The following HDAC1 variants were observed in gnomAD, a reference collection of about 807,000 sequenced individuals.
HDAC1 encodes the protein protein deacetylase HDAC1.
Under a neutral mutation model 65.5 loss-of-function variants are expected in HDAC1, and 18 were observed. That is an observed-to-expected ratio of 0.27 (90% CI 0.19 to 0.41). The LOEUF (loss-of-function observed/expected upper bound fraction) is 0.41. Among genes scored for constraint, HDAC1 ranks in the 10% least tolerant of loss-of-function variants. The pLI is 1.00. For missense variants in HDAC1, 373 were observed against 625.2 expected (o/e 0.60, Z 4.30); for synonymous variants, 211 against 227.9 (o/e 0.93, Z 0.67).
chr1:32,301,889 T>G (rs1364467879), intron 1 of HDAC1, among the ~76,000 whole-genome samples: 1 of 152,220 alleles, frequency 6.6e-6, no homozygotes, highest in Non-Finnish European at 1.5e-5. Flanking sequence ...CCAGAGTAAC[T>G]GGGATTACAG....
Position 32,327,523 on chromosome 1 carries a change from C to T in HDAC1, c.495-13C>T, listed in dbSNP as rs758841290. On this transcript the variant is annotated splice_polypyrimidine_tract_variant and intron_variant, in intron 5 of 13. Transcript: ENST00000373548. This position sits in a 1 kb window ranked among gnomAD's most constrained non-coding sequence, Gnocchi z 6.0. ...AAAGAGCCCCCAGACCCCTGACCCC[C>T]TTCTGATCCTAGGTATCACCAGAGG... The T allele has an allele frequency of 2.5e-6, 4 of 1,611,294 alleles. No individual in the cohort carries two copies. The highest frequency in any genetic ancestry group is 1.1e-5 in the South Asian group (1 of 90,998).
Position 32,304,431 on chromosome 1 carries a change from C to G in HDAC1, c.162+1698C>G, listed in dbSNP as rs145956907. Among the ~76,000 whole-genome samples the G allele has an allele frequency of 2.3e-3, 348 of 152,274 alleles. 2 individuals carry two copies. Among genetic ancestry groups the G allele is most frequent in the African/African-American group, 8.1e-3 (336 of 41,552 alleles). On this transcript the variant is annotated intron_variant, in intron 2 of 13. Transcript: ENST00000373548. The stretch of plus-strand genomic sequence containing the variant: ...CAGACTATCTCTGCTCCCGAGAGCT[C>G]TGCTCCCTGCAGGCTGGAGTGCAGT...
intron 2 of HDAC1, among the ~76,000 whole-genome samples, chr1:32,304,629 G>A (rs549644158): frequency 2.6e-5 from 4 of 151,996 alleles, no homozygotes; most frequent in Admixed American, 2.6e-4. Context: ...GAGTGCAGTG[G>A]TGCAATCTTG....
At chr1:32,307,485 C>G (rs1640927207) in intron 2 of HDAC1, among the ~76,000 whole-genome samples, 1 of 152,116 alleles carries the variant, frequency 6.6e-6, no homozygotes, top group Non-Finnish European at 1.5e-5. Context: ...GATAATCGAT[C>G]TGATTACTGA....
At position 32,331,076 on chromosome 1, in the gene HDAC1, T is replaced by A. The variant is rs779232118; in HGVS notation, c.979+168T>A. On this transcript the variant is annotated intron_variant, in intron 9 of 13. Coordinates refer to ENST00000373548, the MANE Select transcript of HDAC1 (RefSeq NM_004964.3). This position sits in a 1 kb window ranked among gnomAD's most constrained non-coding sequence, Gnocchi z 4.2. ...GATCAGCAGACCATAACCATCACTTTTTCCCTAGTCCTTTTTAGCTCTCTC... is the reference window on the plus strand; with the variant it reads ...GATCAGCAGACCATAACCATCACTTATTCCCTAGTCCTTTTTAGCTCTCTC... 6.6e-6 allele frequency among the ~76,000 whole-genome samples: 1 copy of A among 152,214 alleles called. No individual in the cohort carries two copies. The highest frequency in any genetic ancestry group is 1.5e-5 in the Non-Finnish European group (1 of 68,034).
chr1:32,321,241 A>T (rs28419695), intron 3 of HDAC1, among the ~76,000 whole-genome samples: 2,730 of 151,576 alleles, frequency 0.018, 54 homozygotes, highest in African/African-American at 0.05. Context: ...AAAAAAAAAA[A>T]AATAATAATA....
chr1:32,311,521 G>T (rs1311555179), intron 2 of HDAC1, among the ~76,000 whole-genome samples: 1 of 151,936 alleles, frequency 6.6e-6, no homozygotes, highest in Non-Finnish European at 1.5e-5. Flanking sequence ...TAGGTGGTTG[G>T]TGCTGAGAAT....
intron 3 of HDAC1, among the ~76,000 whole-genome samples, chr1:32,321,322 GCC>G (rs1321674211): frequency 2.6e-5 from 4 of 151,866 alleles, no homozygotes; most frequent in African/African-American, 9.7e-5. Flanking sequence ...TACAGTTGAT[GCC>G]CCCTTGGGCA....
intron 2 of HDAC1, among the ~76,000 whole-genome samples, chr1:32,308,112 G>C (rs1640936253): frequency 6.6e-6 from 1 of 152,204 alleles, no homozygotes; most frequent in South Asian, 2.1e-4. Flanking sequence ...CTGAGGTCGG[G>C]AGTTTGAGAC....
At chr1:32,303,502 A>G (rs1640875787) in intron 2 of HDAC1, among the ~76,000 whole-genome samples, 1 of 152,138 alleles carries the variant, frequency 6.6e-6, no homozygotes, top group Admixed American at 6.6e-5. Context: ...TAATGCCTAA[A>G]TAAGAGTGAT....
chr1:32,316,615 G>C, intron 2 of HDAC1, 50 bp from the exon 3 acceptor site: 1 of 972,450 alleles, frequency 1.0e-6, no homozygotes, highest in Non-Finnish European at 1.7e-6. Context: ...AGATTGACTG[G>C]ACTGGCCGTG....
intron 3 of HDAC1, among the ~76,000 whole-genome samples, chr1:32,317,938 C>T (rs971046531): frequency 2.0e-5 from 3 of 152,148 alleles, no homozygotes; most frequent in African/African-American, 7.2e-5. Flanking sequence ...GGTTTCCTAG[C>T]CCCTCTGGTG....
At chr1:32,323,524 A>G (rs1641177247) in intron 3 of HDAC1, among the ~76,000 whole-genome samples, 1 of 151,900 alleles carries the variant, frequency 6.6e-6, no homozygotes, top group South Asian at 2.1e-4. Context: ...CAGCCTCCCA[A>G]GTAGCCGGGA....
chr1:32,329,478 TTGGGC>T lies in HDAC1; in HGVS notation c.729+321_729+325del. 1 of 439,798 alleles carries T rather than the reference TTGGGC, an allele frequency of 2.3e-6. No homozygotes were observed. The highest frequency in any genetic ancestry group is 6.2e-4 in the Middle Eastern group (1 of 1,608). 27.2% of individuals were successfully genotyped at this position (439,798 alleles called of 1,614,324 possible). A position where few individuals can be genotyped will look rare whatever the true frequency, so the allele number is the denominator to read the frequency against. On this transcript the variant is annotated intron_variant, in intron 7 of 13. Transcript: ENST00000373548. This position sits in a 1 kb window ranked among gnomAD's most constrained non-coding sequence, Gnocchi z 4.1. The stretch of plus-strand genomic sequence containing the variant: ...GTACTGTTTTTGTATCTCCATTTCT[TTGGGC>T]TGCTGGGAGATTATTGTGTTCTTTT...
chr1:32,319,934 T>G (rs545243772), intron 3 of HDAC1, among the ~76,000 whole-genome samples: 2 of 151,260 alleles, frequency 1.3e-5, no homozygotes, highest in South Asian at 4.2e-4. Flanking sequence ...AAAACACACA[T>G]GGCCAGGCGT....
chr1:32,298,740 G>A (rs1171598683), intron 1 of HDAC1, among the ~76,000 whole-genome samples: 2 of 151,842 alleles, frequency 1.3e-5, no homozygotes, highest in African/African-American at 2.4e-5. Context: ...GCTCACGTCT[G>A]TAATCCCAGC....
chr1:32,320,300 C>T (rs538207873), intron 3 of HDAC1, among the ~76,000 whole-genome samples: 3 of 151,844 alleles, frequency 2.0e-5, no homozygotes, highest in South Asian at 2.1e-4. Context: ...ATGATAAGAT[C>T]GAGTAAATCA....
chr1:32,324,640 C>A, intron 4 of HDAC1, 87 bp downstream of exon 4: 1 of 889,616 alleles, frequency 1.1e-6, no homozygotes. Context: ...GTTGGCTGAT[C>A]TGAAACCATG....
intron 1 of HDAC1, 165 bp downstream of exon 1, chr1:32,292,383 G>A: frequency 2.0e-6 from 2 of 985,274 alleles, no homozygotes; most frequent in Non-Finnish European, 2.4e-6. Context: ...AGGAGGCTGC[G>A]AGGAAGGGAG....
Sources: allele counts gnomAD v4.1 joint callset (sites outside exome capture counted in the v4.1 genomes callset), GRCh38; gene constraint gnomAD v4.1.1; non-coding constraint Gnocchi (gnomAD v3.1); transcripts MANE v1.5; gene names NCBI Gene and HGNC (gene_info 2026-07-23, HGNC 2026-07-21).